PDE4D: variants seen among roughly 807,000 people sequenced by gnomAD.
PDE4D encodes the protein 3',5'-cyclic-AMP phosphodiesterase 4D.
A neutral mutation model predicts 87.4 loss-of-function variants in PDE4D; 24 were observed. The observed-to-expected ratio is 0.27, with a 90% CI of 0.20 to 0.39. The LOEUF (loss-of-function observed/expected upper bound fraction) is 0.39. Ranked by LOEUF, PDE4D falls within the 10% of genes least tolerant of loss-of-function variation. The pLI, the probability that PDE4D is intolerant of heterozygous loss-of-function variation, is 1.00. For missense variants in PDE4D, 714 were observed against 1,041.0 expected (o/e 0.69, Z 4.32); for synonymous variants, 384 against 383.2 (o/e 1.00, Z -0.02).
chr5:59,543,483 A>G (rs922239094), intron 1 of PDE4D, among the ~76,000 whole-genome samples: 90 of 152,294 alleles, frequency 5.9e-4, no homozygotes, highest in African/African-American at 2.1e-3. Flanking sequence ...AGTGGGCAAA[A>G]AGAGTCTTAT....
intron 1 of PDE4D, among the ~76,000 whole-genome samples, chr5:59,701,115 A>G (rs372534498): frequency 1.3e-5 from 2 of 152,090 alleles, no homozygotes; most frequent in East Asian, 3.9e-4. Context: ...TTCATCACAA[A>G]TACCATGGGA....
At chr5:59,436,297 G>C (rs1400859171) in intron 1 of PDE4D, among the ~76,000 whole-genome samples, 1 of 152,084 alleles carries the variant, frequency 6.6e-6, no homozygotes, top group South Asian at 2.1e-4. Flanking sequence ...ATAAAAAGAT[G>C]TAAATATCTT....
intron 1 of PDE4D, among the ~76,000 whole-genome samples, chr5:59,746,651 G>GTGA (rs1172646160): frequency 6.6e-6 from 1 of 151,762 alleles, no homozygotes; most frequent in Non-Finnish European, 1.5e-5. Flanking sequence ...ACTCGCCAGC[G>GTGA]TGACTCCTAG....
chr5:59,512,427 G>A (rs563954232), intron 1 of PDE4D, among the ~76,000 whole-genome samples: 1 of 152,236 alleles, frequency 6.6e-6, no homozygotes, highest in East Asian at 1.9e-4. Flanking sequence ...TATGCCTTAT[G>A]ATATTTAGGA....
intron 1 of PDE4D, among the ~76,000 whole-genome samples, chr5:59,474,436 T>C (rs1802964738): frequency 6.6e-6 from 1 of 152,152 alleles, no homozygotes; most frequent in Admixed American, 6.6e-5. Context: ...TCTGGTCACA[T>C]GGTAAGATTG....
At chr5:60,189,014 T>C (rs1785003349) in intron 1 of PDE4D, among the ~76,000 whole-genome samples, 1 of 152,200 alleles carries the variant, frequency 6.6e-6, no homozygotes, top group East Asian at 1.9e-4. Flanking sequence ...CCTGCAAGTT[T>C]CTCTCTCAGC....
At chr5:59,155,723 G>A (rs1229879952) in intron 5 of PDE4D, among the ~76,000 whole-genome samples, 2 of 152,160 alleles carry the variant, frequency 1.3e-5, no homozygotes, top group Non-Finnish European at 1.5e-5. Context: ...AGGACTTGTG[G>A]GAGCTGGGAG....
rs574392703 is a variant in PDE4D at position 60,060,640 on chromosome 5, G to A, written c.43-71923C>T. Among the ~76,000 whole-genome samples, 4 of 152,124 alleles carry A rather than the reference G, an allele frequency of 2.6e-5. No individual in the cohort carries two copies. The Middle Eastern group carries it at 0.014, about 517-fold the overall frequency. ...ACAGCAAATAATTCCTAGGTCTGGG[G>A]CTAACACTGCAGTGAACCACCATCT... On this transcript the variant is annotated intron_variant, in intron 2 of 16. Coordinates refer to the PDE4D transcript ENST00000502484.
intron 1 of PDE4D, among the ~76,000 whole-genome samples, chr5:59,427,352 A>AAT (rs1195137318): frequency 6.7e-6 from 1 of 149,902 alleles, no homozygotes; most frequent in Non-Finnish European, 1.5e-5. Flanking sequence ...CCTATGCCAA[A>AAT]ATATGTACCA....
rs572199202 is a variant in PDE4D, at chr5:59,876,783, A to G, written c.455+16385T>C. Among the ~76,000 whole-genome samples the G allele has an allele frequency of 2.0e-3, 304 of 152,340 alleles. 1 individual carries two copies. The highest frequency in any genetic ancestry group is 7.0e-3 in the African/African-American group (293 of 41,576). On this transcript the variant is annotated intron_variant, in intron 1 of 14. Coordinates refer to ENST00000340635, the MANE Select transcript of PDE4D (RefSeq NM_001104631.2). ...AAAAAGTCTTTTTAAATAATGATCTATAAATGGCTATCTCAGTAATATTAT... is the reference window on the plus strand; with the variant it reads ...AAAAAGTCTTTTTAAATAATGATCTGTAAATGGCTATCTCAGTAATATTAT...
intron 1 of PDE4D, among the ~76,000 whole-genome samples, chr5:60,428,559 T>C (rs186119712): frequency 6.6e-6 from 1 of 152,342 alleles, no homozygotes; most frequent in Admixed American, 6.5e-5. Flanking sequence ...CATGCGACTA[T>C]GCAACAAAAT....
intron 1 of PDE4D, among the ~76,000 whole-genome samples, chr5:59,459,664 A>C (rs987049764): frequency 1.3e-5 from 2 of 152,206 alleles, no homozygotes; most frequent in Admixed American, 6.5e-5. Flanking sequence ...CCTGTATTAG[A>C]TTTTGACTCT....
intron 5 of PDE4D, among the ~76,000 whole-genome samples, chr5:59,069,213 C>T (rs1319865497): frequency 6.6e-6 from 1 of 152,150 alleles, no homozygotes; most frequent in African/African-American, 2.4e-5. Context: ...TCTCCATTCC[C>T]CATACCATGG....
intron 1 of PDE4D, chr5:59,529,034 C>A: frequency 4.3e-6 from 2 of 469,460 alleles, no homozygotes; most frequent in South Asian, 1.6e-5. Context: ...CTCTAACCAC[C>A]AAGGGCTCAT....
chr5:60,154,769 T>G (rs572258205), intron 2 of PDE4D, among the ~76,000 whole-genome samples: 4 of 152,230 alleles, frequency 2.6e-5, no homozygotes, highest in Non-Finnish European at 5.9e-5. Flanking sequence ...ACAACTATCC[T>G]GATTTCTAAA....
At chr5:59,275,233 G>A (rs1581717675) in intron 1 of PDE4D, 4 of 883,470 alleles carry the variant, frequency 4.5e-6, no homozygotes, top group East Asian at 5.0e-5. Flanking sequence ...CGCCAATACT[G>A]CCTTCTTTCA....
At chr5:59,376,053 A>G (rs1158345003) in intron 1 of PDE4D, among the ~76,000 whole-genome samples, 4 of 152,220 alleles carry the variant, frequency 2.6e-5, no homozygotes, top group Non-Finnish European at 5.9e-5. Flanking sequence ...AATAAGAGCC[A>G]TCAATGATAT....
chr5:60,211,832 T>C (rs1743261337), intron 1 of PDE4D, among the ~76,000 whole-genome samples: 2 of 152,158 alleles, frequency 1.3e-5, no homozygotes, highest in African/African-American at 4.8e-5. Context: ...CACCTGAAGG[T>C]ACAGTATTTA....
chr5:59,841,666 C>G (rs1462505779), intron 1 of PDE4D, among the ~76,000 whole-genome samples: 1 of 151,922 alleles, frequency 6.6e-6, no homozygotes, highest in East Asian at 1.9e-4. Flanking sequence ...AGGGCTATGA[C>G]AGAGGAATAC....
Sources: gnomAD v4.1 joint callset for allele counts (sites outside exome capture counted in the v4.1 genomes callset) on GRCh38, gnomAD v4.1.1 for gene constraint, MANE v1.5 for transcripts, NCBI Gene and HGNC (gene_info 2026-07-23, HGNC 2026-07-21) for gene names.